CHP1: variants seen among roughly 807,000 people sequenced by gnomAD.
CHP1 encodes calcineurin B homologous protein 1.
Under a neutral mutation model 27.4 loss-of-function variants are expected in CHP1, and 11 were observed. The observed-to-expected ratio is 0.40, with a 90% CI of 0.25 to 0.67. The LOEUF (loss-of-function observed/expected upper bound fraction) is 0.67. CHP1 is among the 30% of genes least tolerant of loss of function. The pLI, the probability that CHP1 is intolerant of heterozygous loss-of-function variation, is 0.38. For missense variants in CHP1, 169 were observed against 251.3 expected (o/e 0.67, Z 2.22); for synonymous variants, 89 against 87.4 (o/e 1.02, Z -0.10).
intron 3 of CHP1, among the ~76,000 whole-genome samples, chr15:41,258,910 A>G (rs1202035366): frequency 6.6e-6 from 1 of 152,196 alleles, no homozygotes; most frequent in Non-Finnish European, 1.5e-5. Context: ...GAGCAAAGGA[A>G]TTTGCTAGTT....
At chr15:41,247,237 C>T (rs761743533) in intron 2 of CHP1, among the ~76,000 whole-genome samples, 14 of 151,916 alleles carry the variant, frequency 9.2e-5, no homozygotes, top group East Asian at 3.9e-4. Context: ...GGTGTGGTGG[C>T]GCATGCCTGG....
intron 5 of CHP1, among the ~76,000 whole-genome samples, chr15:41,273,763 A>G (rs1320799896): frequency 1.3e-5 from 2 of 151,626 alleles, no homozygotes; most frequent in Admixed American, 6.6e-5. Context: ...ATATATATAT[A>G]AACCCTCACC....
intron 1 of CHP1, among the ~76,000 whole-genome samples, chr15:41,241,762 C>T (rs1020818734): frequency 2.6e-5 from 4 of 152,238 alleles, no homozygotes; most frequent in African/African-American, 4.8e-5. Context: ...CAGCTCTGGG[C>T]CACTCACTAC....
chr15:41,239,103 A>G (rs1437502798), intron 1 of CHP1, among the ~76,000 whole-genome samples: 2 of 152,130 alleles, frequency 1.3e-5, no homozygotes, highest in Non-Finnish European at 2.9e-5. Context: ...ATTGCTTTAT[A>G]TTCTTTGTCA....
intron 2 of CHP1, among the ~76,000 whole-genome samples, chr15:41,244,414 G>A (rs891202377): frequency 1.4e-4 from 21 of 152,044 alleles, no homozygotes; most frequent in African/African-American, 5.1e-4. Context: ...GGTCTAGGTT[G>A]TTTTGTCTTC....
intron 2 of CHP1, among the ~76,000 whole-genome samples, chr15:41,250,864 T>C (rs1293545976): frequency 6.6e-6 from 1 of 151,470 alleles, no homozygotes; most frequent in Non-Finnish European, 1.5e-5. Context: ...AGAGTCTCGC[T>C]CTGTCACCAG....
At chr15:41,272,875 C>T (rs2047497951) in intron 5 of CHP1, among the ~76,000 whole-genome samples, 1 of 151,886 alleles carries the variant, frequency 6.6e-6, no homozygotes, top group Admixed American at 6.6e-5. Flanking sequence ...GGTGAAACCC[C>T]GTCTCCCCTG....
At chr15:41,259,787 C>G (rs912633256) in intron 3 of CHP1, among the ~76,000 whole-genome samples, 1 of 151,836 alleles carries the variant, frequency 6.6e-6, no homozygotes, top group African/African-American at 2.4e-5. Context: ...GAGTCTCCCT[C>G]TGTCTCCCAG....
At chr15:41,275,104 T>A (rs1450466912) in intron 5 of CHP1, among the ~76,000 whole-genome samples, 1 of 151,962 alleles carries the variant, frequency 6.6e-6, no homozygotes, top group Non-Finnish European at 1.5e-5. Flanking sequence ...CTCTTTTTAT[T>A]AATTCTTCTA....
At chr15:41,277,483 A>G (rs570872416) in intron 5 of CHP1, among the ~76,000 whole-genome samples, 44 of 152,258 alleles carry the variant, frequency 2.9e-4, no homozygotes, top group African/African-American at 1.1e-3. Flanking sequence ...ATTCCTACAA[A>G]AAAATTTTGA....
intron 1 of CHP1, among the ~76,000 whole-genome samples, chr15:41,232,315 G>A (rs6492992): frequency 0.29 from 44,184 of 150,596 alleles, 8,957 homozygotes; most frequent in African/African-American, 0.57. Context: ...GGTTCAAGCA[G>A]TTCTCCTGCC....
At chr15:41,266,871 A>G (rs2047463900) in intron 4 of CHP1, among the ~76,000 whole-genome samples, 1 of 152,120 alleles carries the variant, frequency 6.6e-6, no homozygotes, top group South Asian at 2.1e-4. Flanking sequence ...ATGGTGGTGG[A>G]TACCTGTAAT....
chr15:41,277,242 T>C (rs1252138209), intron 5 of CHP1, among the ~76,000 whole-genome samples: 1 of 152,228 alleles, frequency 6.6e-6, no homozygotes, highest in African/African-American at 2.4e-5. Context: ...ACTACACACC[T>C]AGGCTATGTG....
intron 2 of CHP1, among the ~76,000 whole-genome samples, chr15:41,253,242 A>G (rs946046838): frequency 5.3e-5 from 8 of 151,282 alleles, no homozygotes; most frequent in Non-Finnish European, 8.8e-5. Flanking sequence ...CGGCCTTCGG[A>G]TGGATCTTAT....
At chr15:41,244,243 A>G (rs2047322308) in intron 2 of CHP1, among the ~76,000 whole-genome samples, 1 of 152,040 alleles carries the variant, frequency 6.6e-6, no homozygotes, top group African/African-American at 2.4e-5. Context: ...AAATGCATTA[A>G]CAGATGTGTG....
chr15:41,247,515 C>CA (rs146729824), intron 2 of CHP1, among the ~76,000 whole-genome samples: 6 of 148,488 alleles, frequency 4.0e-5, no homozygotes, highest in Middle Eastern at 3.7e-3. Context: ...ACTAAAAATA[C>CA]AAAAAAATTA....
intron 4 of CHP1, among the ~76,000 whole-genome samples, chr15:41,267,688 A>G (rs1052969129): frequency 6.6e-5 from 10 of 151,610 alleles, no homozygotes; most frequent in Non-Finnish European, 1.3e-4. Context: ...AAAAGAAGCA[A>G]TAGCATTGAT....
In CHP1 at chr15:41,237,456, C is replaced by T. The variant is rs2047283198; in HGVS notation, c.67+6007C>T. Among the ~76,000 whole-genome samples, 6 of 152,116 alleles carry T rather than the reference C, an allele frequency of 3.9e-5. No homozygotes were observed. The South Asian group carries it at 1.0e-3, about 26-fold the overall frequency. ...AGCCACCTTAATATTATCTATCATT[C>T]ACTTCCTATTCAAATTTCTCCAATT... On this transcript the variant is annotated intron_variant, in intron 1 of 6. Transcript: ENST00000334660.
intron 2 of CHP1, among the ~76,000 whole-genome samples, chr15:41,247,214 C>T (rs909606003): frequency 6.6e-6 from 1 of 150,560 alleles, no homozygotes; most frequent in Non-Finnish European, 1.5e-5. Flanking sequence ...ACGAAAAATA[C>T]AAAAATTAGC....
Sources: allele counts gnomAD v4.1 joint callset (sites outside exome capture counted in the v4.1 genomes callset), GRCh38; gene constraint gnomAD v4.1.1; transcripts MANE v1.5; gene names NCBI Gene and HGNC (gene_info 2026-07-23, HGNC 2026-07-21).